The following FHIT variants were observed in gnomAD, a reference collection of about 807,000 sequenced individuals.
The protein encoded by FHIT is fragile histidine triad diadenosine triphosphatase.
FHIT carries 19 observed loss-of-function variants against 17.9 expected under a neutral mutation model. That is an observed-to-expected ratio of 1.06 (90% CI 0.74 to 1.56). FHIT has a LOEUF of 1.56. Ranked by LOEUF, FHIT falls within the 40% of genes most tolerant of loss-of-function variation. FHIT has a pLI of 0.00. For missense variants in FHIT, 248 were observed against 189.2 expected, an observed-to-expected ratio of 1.31 and a Z score of -1.82; for synonymous variants, 81 against 69.7, an observed-to-expected ratio of 1.16 and a Z score of -0.81.
At chr3:61,028,873 A>T (rs1187358200) in intron 3 of FHIT, among the ~76,000 whole-genome samples, 1 of 151,404 alleles carries the variant, frequency 6.6e-6, no homozygotes, top group Non-Finnish European at 1.5e-5. Flanking sequence ...GGAAGAAAAT[A>T]AGCACCCCCC....
At chr3:60,047,030 G>A (rs567123555) in intron 5 of FHIT, among the ~76,000 whole-genome samples, 29 of 152,316 alleles carry the variant, frequency 1.9e-4, no homozygotes, top group Admixed American at 8.5e-4. Context: ...ATGTGTGAAG[G>A]TAACCAACTT....
chr3:61,097,260 C>T (rs1218839020), intron 2 of FHIT, among the ~76,000 whole-genome samples: 1 of 152,034 alleles, frequency 6.6e-6, no homozygotes, highest in Non-Finnish European at 1.5e-5. Context: ...TGGGTGCAGT[C>T]CACTGAGCGA....
chr3:61,238,141 T>C (rs1421387639), intron 1 of FHIT, among the ~76,000 whole-genome samples: 1 of 152,162 alleles, frequency 6.6e-6, no homozygotes, highest in Non-Finnish European at 1.5e-5. Flanking sequence ...GGAAGATAGA[T>C]AATATTAACA....
intron 4 of FHIT, among the ~76,000 whole-genome samples, chr3:60,688,436 T>G (rs564797553): frequency 6.8e-6 from 1 of 147,748 alleles, no homozygotes; most frequent in Admixed American, 6.6e-5. Flanking sequence ...GTTTTTTTTT[T>G]TGTTTTTTTT....
intron 5 of FHIT, among the ~76,000 whole-genome samples, chr3:60,390,411 AAAAAAAAAAAAAAAAAAC>A (rs1427496729): frequency 4.1e-5 from 5 of 121,336 alleles, no homozygotes; most frequent in African/African-American, 1.5e-4. Context: ...AAAAAAAAAA[AAAAAAAAAAAAAAAAAAC>A]CCGTACCCTC....
chr3:60,183,484 G>C (rs1177458993), intron 5 of FHIT, among the ~76,000 whole-genome samples: 1 of 152,062 alleles, frequency 6.6e-6, no homozygotes, highest in Non-Finnish European at 1.5e-5. Flanking sequence ...TCAATTTGAA[G>C]TCAACACCGT....
At chr3:61,181,226 T>C (rs1166806232) in intron 2 of FHIT, among the ~76,000 whole-genome samples, 1 of 152,128 alleles carries the variant, frequency 6.6e-6, no homozygotes, top group East Asian at 1.9e-4. Flanking sequence ...TAATGACCAA[T>C]AATGGCAATA....
intron 2 of FHIT, among the ~76,000 whole-genome samples, chr3:61,050,288 T>C (rs373470608): frequency 3.3e-5 from 5 of 152,022 alleles, no homozygotes; most frequent in African/African-American, 1.2e-4. Flanking sequence ...CTTCAAAATA[T>C]AGAGCAAATG....
intron 3 of FHIT, among the ~76,000 whole-genome samples, chr3:60,963,917 G>A (rs1336413368): frequency 6.6e-6 from 1 of 152,194 alleles, no homozygotes; most frequent in Non-Finnish European, 1.5e-5. Context: ...GTTGATTTGG[G>A]GTGGAGAGTT....
intron 7 of FHIT, among the ~76,000 whole-genome samples, chr3:59,991,228 A>C (rs1352987455): frequency 1.3e-5 from 2 of 152,106 alleles, no homozygotes; most frequent in South Asian, 2.1e-4. Flanking sequence ...CTGACTTTGC[A>C]AACAGAAAAT....
intron 5 of FHIT, among the ~76,000 whole-genome samples, chr3:60,322,744 A>G (rs1415038354): frequency 2.0e-5 from 3 of 152,244 alleles, no homozygotes; most frequent in Non-Finnish European, 2.9e-5. Context: ...AATCTGAGAA[A>G]TAATCATTAT....
At chr3:61,188,980 T>G (rs1258032029) in intron 2 of FHIT, among the ~76,000 whole-genome samples, 1 of 151,962 alleles carries the variant, frequency 6.6e-6, no homozygotes, top group African/African-American at 2.4e-5. Flanking sequence ...AATATCATAC[T>G]GAATGGGCAA....
chr3:60,801,462 A>G (rs782708635), intron 4 of FHIT, among the ~76,000 whole-genome samples: 2 of 152,210 alleles, frequency 1.3e-5, no homozygotes, highest in East Asian at 3.9e-4. Flanking sequence ...TCTTTGGAGA[A>G]TTAAATAACC....
chr3:60,100,595 C>A (rs1372510142), intron 5 of FHIT, among the ~76,000 whole-genome samples: 1 of 152,128 alleles, frequency 6.6e-6, no homozygotes, highest in Admixed American at 6.5e-5. Context: ...CCAGTCCCAT[C>A]ATTCCAGAAA....
chr3:59,905,268 T>A (rs1295453346), intron 8 of FHIT, among the ~76,000 whole-genome samples: 1 of 152,068 alleles, frequency 6.6e-6, no homozygotes, highest in Non-Finnish European at 1.5e-5. Flanking sequence ...AAAGAATTGA[T>A]AGAACTAGAG....
chr3:60,591,221 G>A (rs191068474), intron 4 of FHIT, among the ~76,000 whole-genome samples: 1 of 152,126 alleles, frequency 6.6e-6, no homozygotes, highest in East Asian at 1.9e-4. Flanking sequence ...AAAACCAAGT[G>A]GACATTTAAC....
intron 4 of FHIT, among the ~76,000 whole-genome samples, chr3:60,683,572 G>A (rs186834515): frequency 9.2e-5 from 14 of 152,142 alleles, no homozygotes; most frequent in African/African-American, 3.4e-4. Context: ...ACTATAGACT[G>A]TAAACACAAC....
intron 4 of FHIT, among the ~76,000 whole-genome samples, chr3:60,819,021 C>G (rs1575562940): frequency 1.6e-5 from 1 of 60,836 alleles, no homozygotes; most frequent in Non-Finnish European, 5.0e-5. Flanking sequence ...TTTCTTTTTT[C>G]TTTTCTTTTT....
At chr3:60,012,268 T>G (rs1368877368) in intron 6 of FHIT, among the ~76,000 whole-genome samples, 5 of 88,080 alleles carry the variant, frequency 5.7e-5, no homozygotes, top group Non-Finnish European at 9.7e-5. Context: ...TTTTTGTTGT[T>G]TTTTTTTTTT....
Sources: gnomAD v4.1 joint callset for allele counts (sites outside exome capture counted in the v4.1 genomes callset) on GRCh38, gnomAD v4.1.1 for gene constraint, MANE v1.5 for transcripts, NCBI Gene and HGNC (gene_info 2026-07-23, HGNC 2026-07-21) for gene names.